Variants in EMC3 observed in about 807,000 individuals in gnomAD.
EMC3 encodes the protein ER membrane protein complex subunit 3, also known as 30 kDa protein.
A neutral mutation model predicts 36.6 loss-of-function variants in EMC3; 13 were observed. The observed-to-expected ratio is 0.35, with a 90% CI of 0.23 to 0.56. The LOEUF (loss-of-function observed/expected upper bound fraction) is 0.56. Among genes scored for constraint, EMC3 ranks in the 20% least tolerant of loss-of-function variants. EMC3 has a pLI of 0.84. For synonymous variants in EMC3, 120 were observed against 111.9 expected (o/e 1.07, Z -0.46); for missense variants, 220 against 324.5 (o/e 0.68, Z 2.47).
chr3:9,982,058 C>G (rs917442284), intron 1 of EMC3, among the ~76,000 whole-genome samples: 4 of 149,766 alleles, frequency 2.7e-5, no homozygotes, highest in African/African-American at 9.9e-5. Flanking sequence ...TCAAGAGATT[C>G]TCCTGCCTCA....
At chr3:10,005,425 C>T (rs1293778361) in intron 1 of EMC3, among the ~76,000 whole-genome samples, 14 of 152,090 alleles carry the variant, frequency 9.2e-5, no homozygotes, top group Admixed American at 9.2e-4. Context: ...GCCAGGCATG[C>T]CAGTGACCCG....
chr3:10,010,063 C>G (rs976187970), intron 1 of EMC3: 1 of 152,810 alleles, frequency 6.5e-6, no homozygotes, highest in African/African-American at 2.4e-5. Flanking sequence ...GCCTGCCTGG[C>G]TCACACCCCC....
chr3:10,007,267 T>C (rs3732962), intron 1 of EMC3: 323,929 of 1,223,716 alleles, frequency 0.26, 48,985 homozygotes, highest in African/African-American at 0.66. Context: ...TGTTCATGGC[T>C]TCCCCACACT....
chr3:9,966,347 T>C (rs1188898743), intron 7 of EMC3, among the ~76,000 whole-genome samples: 3 of 151,322 alleles, frequency 2.0e-5, no homozygotes, highest in African/African-American at 7.3e-5. Context: ...CTCAGCCTCC[T>C]GAGCAGCTGG....
intron 1 of EMC3, chr3:10,003,984 A>G (rs2086233794): frequency 6.6e-6 from 1 of 152,448 alleles, no homozygotes; most frequent in Non-Finnish European, 1.5e-5. Flanking sequence ...GCAGAAGCTG[A>G]CAGCCCTTTG....
At chr3:10,002,980 G>A (rs766975133) in intron 1 of EMC3, 1 of 455,528 alleles carries the variant, frequency 2.2e-6, no homozygotes, top group South Asian at 1.6e-5. Flanking sequence ...TCAGCCTGTG[G>A]CCTTCTTCTC....
At chr3:9,983,914 T>A (rs1156701824) in intron 1 of EMC3, among the ~76,000 whole-genome samples, 2 of 152,120 alleles carry the variant, frequency 1.3e-5, no homozygotes, top group Non-Finnish European at 2.9e-5. Context: ...GAAGACTACT[T>A]AACTTTTCCA....
Position 10,007,550 on chromosome 3 carries a change from C to A in EMC3, c.-242+3473G>T, listed in dbSNP as rs759585929. ...GAAGCGCTCCCCCTCAGAGGCCTGA[C>A]GTAGGAGTGCTTCTGGGTGAGGCAG... On this transcript the variant is annotated intron_variant, in intron 1 of 8. Coordinates refer to the EMC3 transcript ENST00000470827. 38 of 1,367,400 alleles carry A rather than the reference C, an allele frequency of 2.8e-5. No individual in the cohort carries two copies. In the East Asian group the frequency reaches 1.7e-3, roughly 62 times the overall value. 84.7% of individuals were successfully genotyped at this position (1,367,400 alleles called of 1,614,324 possible).
upstream of EMC3, chr3:9,988,737 C>G (rs1429290198): frequency 6.6e-7 from 1 of 1,521,616 alleles, no homozygotes; most frequent in Non-Finnish European, 9.1e-7. Context: ...GCCTCAGTAT[C>G]TGAACACAAG....
At chr3:9,976,851 G>T in intron 3 of EMC3, 106 bp downstream of exon 3, 1 of 753,264 alleles carries the variant, frequency 1.3e-6, no homozygotes, top group Non-Finnish European at 2.2e-6. Flanking sequence ...ACTATCTTTT[G>T]CAATTTAACA....
chr3:9,964,955 G>C (rs1467071996), intron 7 of EMC3, among the ~76,000 whole-genome samples: 1 of 152,102 alleles, frequency 6.6e-6, no homozygotes, highest in East Asian at 1.9e-4. Context: ...AATGCTTTAT[G>C]AGTTGGGTGC....
intron 1 of EMC3, among the ~76,000 whole-genome samples, chr3:9,978,633 C>T (rs572416794): frequency 3.9e-5 from 6 of 152,076 alleles, no homozygotes; most frequent in African/African-American, 1.4e-4. Context: ...AGTTTGAGAC[C>T]AGCCTTGCCA....
chr3:9,994,783 C>A (rs9834532), intron 1 of EMC3, among the ~76,000 whole-genome samples: 2 of 151,918 alleles, frequency 1.3e-5, no homozygotes, highest in Non-Finnish European at 2.9e-5. Context: ...TGTTGGCCAT[C>A]CTGGTCTCGA....
chr3:10,003,452 A>G (rs912130028), intron 1 of EMC3: 11 of 356,906 alleles, frequency 3.1e-5, no homozygotes, highest in African/African-American at 2.1e-4. Flanking sequence ...TAGTCACTAC[A>G]CTTAGAGTAG....
intron 1 of EMC3, among the ~76,000 whole-genome samples, chr3:9,996,482 G>A (rs543353732): frequency 1.4e-4 from 22 of 151,894 alleles, no homozygotes; most frequent in Admixed American, 7.9e-4. Flanking sequence ...ACAAAAAGAA[G>A]AGATTAGATT....
At chr3:9,993,660 C>G (rs2124928561) in intron 1 of EMC3, among the ~76,000 whole-genome samples, 1 of 152,276 alleles carries the variant, frequency 6.6e-6, no homozygotes, top group South Asian at 2.1e-4. Context: ...CAGCTTACTA[C>G]TAAATGTAAG....
intron 1 of EMC3, chr3:10,007,151 A>G (rs2086271963): frequency 4.5e-6 from 2 of 442,190 alleles, no homozygotes; most frequent in Non-Finnish European, 7.3e-6. Context: ...CTGCAAGAAA[A>G]AGCCACCTCA....
At chr3:9,985,787 G>C (rs1042464305) in intron 1 of EMC3, among the ~76,000 whole-genome samples, 1 of 152,104 alleles carries the variant, frequency 6.6e-6, no homozygotes, top group Non-Finnish European at 1.5e-5. Context: ...CCAGCTACTC[G>C]GGGGGCTGAG....
At position 10,004,397 on chromosome 3, in the gene EMC3, A is replaced by C. The variant is rs1012207939; in HGVS notation, c.-242+6626T>G. On this transcript the variant is annotated intron_variant, in intron 1 of 8. Transcript: ENST00000470827. ...CCAGGCTGAGAACCTATCTGTGGCA[A>C]TCAAAGAAAAATTATTCAGTTATCC... 4.6e-5 allele frequency: 7 copies of C among 152,338 alleles called. No individual in the cohort carries two copies. The East Asian group carries it at 1.4e-3, about 29-fold the overall frequency. The allele number at this position is 152,338 out of a possible 1,614,324, so 9.4% of individuals were successfully genotyped here.
Sources: gnomAD v4.1 joint callset for allele counts (sites outside exome capture counted in the v4.1 genomes callset) on GRCh38, gnomAD v4.1.1 for gene constraint, MANE v1.5 for transcripts, NCBI Gene and HGNC (gene_info 2026-07-23, HGNC 2026-07-21) for gene names.